Variants in PARD3B observed in about 807,000 individuals in gnomAD.
PARD3B encodes partitioning defective 3 homolog B.
In PARD3B, 103 loss-of-function variants were observed where a neutral mutation model predicts 130.2. The observed-to-expected ratio is 0.79, with a 90% CI of 0.67 to 0.93. PARD3B has a LOEUF of 0.93. Ranked by LOEUF, PARD3B falls within the 40% of genes least tolerant of loss-of-function variation. The probability of loss-of-function intolerance (pLI) is 0.00; values close to 1 mark genes in which losing one functional copy is unlikely to be tolerated. For missense variants in PARD3B, 1,609 were observed against 1,499.2 expected (o/e 1.07, Z -1.21); for synonymous variants, 583 against 553.2 (o/e 1.05, Z -0.76).
chr2:205,382,666 A>G (rs368685187), intron 18 of PARD3B, among the ~76,000 whole-genome samples: 3 of 152,034 alleles, frequency 2.0e-5, no homozygotes, highest in African/African-American at 7.2e-5. Context: ...ACATTCATTA[A>G]TTGGAATTCT....
chr2:205,094,264 G>A (rs745805961), intron 4 of PARD3B, among the ~76,000 whole-genome samples: 1 of 152,178 alleles, frequency 6.6e-6, no homozygotes, highest in African/African-American at 2.4e-5. Flanking sequence ...AGTGAATGGC[G>A]AAATGATTGT....
At chr2:204,788,697 A>G (rs539888019) in intron 2 of PARD3B, among the ~76,000 whole-genome samples, 13 of 152,212 alleles carry the variant, frequency 8.5e-5, no homozygotes, top group Non-Finnish European at 1.5e-4. Context: ...GGTACTGGGC[A>G]CTGGATTTGT....
intron 2 of PARD3B, among the ~76,000 whole-genome samples, chr2:204,950,592 A>T (rs1340612647): frequency 6.6e-6 from 1 of 152,116 alleles, no homozygotes; most frequent in East Asian, 1.9e-4. Flanking sequence ...GCCTTGGGAG[A>T]CCTTGGAAAG....
chr2:204,936,386 GA>G (rs1688461523), intron 2 of PARD3B, among the ~76,000 whole-genome samples: 1 of 152,160 alleles, frequency 6.6e-6, no homozygotes. Context: ...AAATATTGTT[GA>G]TCAATCTATT....
chr2:204,837,300 G>A (rs1041573394), intron 2 of PARD3B, among the ~76,000 whole-genome samples: 1 of 151,574 alleles, frequency 6.6e-6, no homozygotes. Flanking sequence ...AAAAATCTAG[G>A]GACATGTTAG....
Position 205,230,959 on chromosome 2 carries a change from C to G in PARD3B, c.2141-14819C>G, listed in dbSNP as rs1349510728. 6.6e-6 allele frequency among the ~76,000 whole-genome samples: 1 copy of G among 152,098 alleles called. No homozygotes were observed. Among genetic ancestry groups the G allele is most frequent in the Admixed American group, 6.5e-5 (1 of 15,272 alleles). ...AAAGTCTCCAATCACTATGCTCTCC[C>G]TCCCCAAGGTGCACAGATTCTGTCT... On this transcript the variant is annotated intron_variant, in intron 15 of 22. Coordinates refer to ENST00000406610, the MANE Select transcript of PARD3B (RefSeq NM_001302769.2). This position sits in a 1 kb window ranked among gnomAD's most constrained non-coding sequence, Gnocchi z 4.1.
At chr2:204,603,540 A>G (rs2033596271) in intron 1 of PARD3B, among the ~76,000 whole-genome samples, 1 of 152,126 alleles carries the variant, frequency 6.6e-6, no homozygotes, top group Admixed American at 6.6e-5. Flanking sequence ...AAAACATTCT[A>G]CTTTAATACT....
chr2:205,431,017 C>T (rs534841907), intron 19 of PARD3B, among the ~76,000 whole-genome samples: 1 of 152,266 alleles, frequency 6.6e-6, no homozygotes, highest in East Asian at 1.9e-4. Context: ...GATTTACTTT[C>T]AAAATGCTTG....
At chr2:205,362,506 A>T (rs34332011) in intron 18 of PARD3B, among the ~76,000 whole-genome samples, 1 of 152,076 alleles carries the variant, frequency 6.6e-6, no homozygotes, top group African/African-American at 2.4e-5. Context: ...GCATCTTGAG[A>T]GGCATAAATG....
chr2:204,819,739 A>G (rs2043270945), intron 2 of PARD3B, among the ~76,000 whole-genome samples: 1 of 152,196 alleles, frequency 6.6e-6, no homozygotes, highest in African/African-American at 2.4e-5. Context: ...AAACACATGA[A>G]TGAAAGGCAA....
chr2:204,921,946 A>C (rs1428698589), intron 2 of PARD3B, among the ~76,000 whole-genome samples: 1 of 152,134 alleles, frequency 6.6e-6, no homozygotes, highest in East Asian at 1.9e-4. Flanking sequence ...GGGATGTTGC[A>C]GGCTGGGGGT....
At chr2:204,806,878 A>G (rs747213995) in intron 2 of PARD3B, among the ~76,000 whole-genome samples, 3 of 152,202 alleles carry the variant, frequency 2.0e-5, no homozygotes, top group Non-Finnish European at 4.4e-5. Flanking sequence ...GTAAACAGCT[A>G]TGTAAAAATG....
At chr2:205,445,210 C>G (rs563782189) in intron 20 of PARD3B, among the ~76,000 whole-genome samples, 1 of 152,238 alleles carries the variant, frequency 6.6e-6, no homozygotes, top group East Asian at 1.9e-4. Context: ...AGGACTTTAT[C>G]CTAGATCTCT....
chr2:205,418,446 A>AAT (rs2106082326), intron 19 of PARD3B, among the ~76,000 whole-genome samples: 1 of 466 alleles, frequency 2.1e-3, no homozygotes, highest in Admixed American at 0.036. Context: ...CAGAGAGACC[A>AAT]ATACACTAAT....
chr2:205,512,502 C>G (rs2050624211), intron 21 of PARD3B, among the ~76,000 whole-genome samples: 1 of 152,148 alleles, frequency 6.6e-6, no homozygotes, highest in African/African-American at 2.4e-5. Flanking sequence ...ACAGACATAG[C>G]TCCATTCCCT....
chr2:205,121,459 C>A lies in PARD3B; in HGVS notation c.807-132C>A. On this transcript the variant is annotated intron_variant, in intron 7 of 22. Coordinates refer to ENST00000406610, the MANE Select transcript of PARD3B (RefSeq NM_001302769.2). This position sits in a 1 kb window ranked among gnomAD's most constrained non-coding sequence, Gnocchi z 5.0. The stretch of plus-strand genomic sequence containing the variant: ...CTAGTATGTAGTTGGCAAAGTCATT[C>A]TGATAGGAATATTGATCGTGTCTCC... 1.2e-6 allele frequency: 1 copy of A among 806,626 alleles called. No homozygotes were observed. The highest frequency in any genetic ancestry group is 2.0e-6 in the Non-Finnish European group (1 of 498,948). The allele number at this position is 806,626 out of a possible 1,614,324, so 50.0% of individuals were successfully genotyped here.
At chr2:204,927,622 TGTA>T (rs1559267400) in intron 2 of PARD3B, among the ~76,000 whole-genome samples, 1 of 151,998 alleles carries the variant, frequency 6.6e-6, no homozygotes, top group African/African-American at 2.4e-5. Context: ...GTTAAACTCA[TGTA>T]GTAATGGTTT....
chr2:205,543,380 T>C (rs2052249577), intron 21 of PARD3B, among the ~76,000 whole-genome samples: 1 of 152,156 alleles, frequency 6.6e-6, no homozygotes, highest in Non-Finnish European at 1.5e-5. Context: ...TACTAGGCCT[T>C]TGGAGTTCAG....
At chr2:205,027,977 T>C (rs1463136170) in intron 3 of PARD3B, among the ~76,000 whole-genome samples, 1 of 152,154 alleles carries the variant, frequency 6.6e-6, no homozygotes, top group Non-Finnish European at 1.5e-5. Flanking sequence ...CTATGTACTT[T>C]TGTAATACAG....
Sources: gnomAD v4.1 joint callset for allele counts (sites outside exome capture counted in the v4.1 genomes callset) on GRCh38, gnomAD v4.1.1 for gene constraint, Gnocchi (gnomAD v3.1) non-coding constraint, MANE v1.5 for transcripts, NCBI Gene and HGNC (gene_info 2026-07-23, HGNC 2026-07-21) for gene names.